The following PCDHA1 variants were observed in gnomAD, a reference collection of about 807,000 sequenced individuals.
PCDHA1 encodes protocadherin alpha 1.
Under a neutral mutation model 61.3 loss-of-function variants are expected in PCDHA1, and 42 were observed. The ratio of observed to expected loss-of-function variants is 0.69; its 90% confidence interval spans 0.54 to 0.89. The LOEUF is 0.89. Ranked by LOEUF, PCDHA1 falls within the 40% of genes least tolerant of loss-of-function variation. PCDHA1 has a pLI of 0.00. For missense variants in PCDHA1, 1,256 were observed against 1,235.3 expected (o/e 1.02, Z -0.25); for synonymous variants, 610 against 553.8 (o/e 1.10, Z -1.43).
intron 1 of PCDHA1, among the ~76,000 whole-genome samples, chr5:140,840,200 G>T (rs1412931294): frequency 6.6e-6 from 1 of 151,990 alleles, no homozygotes; most frequent in South Asian, 2.1e-4. Flanking sequence ...CAAAGGAAAA[G>T]AAGTCATAAA....
intron 1 of PCDHA1, chr5:140,796,173 T>A (rs1554119744): frequency 1.2e-6 from 2 of 1,614,054 alleles, no homozygotes; most frequent in Non-Finnish European, 1.7e-6. Context: ...CCTTCAAGAA[T>A]TACTACTCGT....
At chr5:140,817,344 G>T (rs187134127) in intron 1 of PCDHA1, 1 of 152,268 alleles carries the variant, frequency 6.6e-6, no homozygotes, top group Non-Finnish European at 1.5e-5. Context: ...CTTGCTTGGA[G>T]CCCAGGACCC....
rs191125107 is a variant in PCDHA1 at position 140,991,229 on chromosome 5, G to A, written c.2542+8666G>A. 1.4e-3 allele frequency among the ~76,000 whole-genome samples: 211 copies of A among 152,246 alleles called. 1 individual carries two copies. The highest frequency in any genetic ancestry group is 4.8e-3 in the African/African-American group (201 of 41,560). On this transcript the variant is annotated intron_variant, in intron 3 of 3. Coordinates refer to ENST00000504120, the MANE Select transcript of PCDHA1 (RefSeq NM_018900.4). ...AATTTTGTTAAATTCATTAATAAAT[G>A]CAGTGGTAAAGGCAGTATTTGAACT... is the stretch of plus-strand genomic sequence containing the variant.
intron 1 of PCDHA1, among the ~76,000 whole-genome samples, chr5:140,886,331 G>A (rs910332577): frequency 6.6e-6 from 1 of 151,936 alleles, no homozygotes; most frequent in Admixed American, 6.6e-5. Flanking sequence ...TGGGATACAT[G>A]TGCAGAACGT....
At chr5:140,808,786 T>C (rs1554124782) in intron 1 of PCDHA1, 9 of 1,612,390 alleles carry the variant, frequency 5.6e-6, no homozygotes, top group South Asian at 3.3e-5. Flanking sequence ...TGCTGCAGTT[T>C]CAGGTGACCG....
intron 1 of PCDHA1, chr5:140,802,774 A>G (rs1554122342): frequency 4.3e-6 from 7 of 1,613,090 alleles, no homozygotes; most frequent in Non-Finnish European, 2.5e-6. Flanking sequence ...CTGGACCACG[A>G]GGAGCTAGAG....
At chr5:140,893,593 T>C (rs1433494751) in intron 1 of PCDHA1, among the ~76,000 whole-genome samples, 5 of 152,244 alleles carry the variant, frequency 3.3e-5, no homozygotes, top group African/African-American at 1.2e-4. Context: ...TGGGAAATAC[T>C]TTATTTCTCC....
intron 1 of PCDHA1, among the ~76,000 whole-genome samples, chr5:140,831,530 T>C (rs1204695597): frequency 6.7e-6 from 1 of 150,262 alleles, no homozygotes; most frequent in Non-Finnish European, 1.5e-5. Flanking sequence ...CTTTTTTTTT[T>C]TTTTTTTTTT....
chr5:140,875,610 C>T (rs1266412721), intron 1 of PCDHA1: 6 of 1,613,716 alleles, frequency 3.7e-6, no homozygotes, highest in African/African-American at 1.3e-5. Flanking sequence ...CCTTCGTGGG[C>T]CGCATCGCTC....
chr5:140,802,780 T>C (rs2149963513), intron 1 of PCDHA1: 2 of 1,613,244 alleles, frequency 1.2e-6, no homozygotes, highest in Non-Finnish European at 1.7e-6. Flanking sequence ...CACGAGGAGC[T>C]AGAGCTGCTG....
chr5:140,848,364 G>C lies in PCDHA1; in HGVS notation c.2394+59680G>C, dbSNP rs916399183. On this transcript the variant is annotated intron_variant, in intron 1 of 3. Transcript: ENST00000504120. ...AATACAGCCCTTTTCCCATGGGAAA[G>C]AGGCTCAATTCTTTTTCACTCTCTC... 35 of 1,077,596 alleles carry C rather than the reference G, an allele frequency of 3.2e-5. 3 individuals are homozygous for C. Among genetic ancestry groups the C allele is most frequent in the African/African-American group, 4.7e-5 (3 of 63,656 alleles). 66.8% of individuals were successfully genotyped at this position (1,077,596 alleles called of 1,614,324 possible). A position where few individuals can be genotyped will look rare whatever the true frequency, so the allele number is the denominator to read the frequency against.
intron 1 of PCDHA1, chr5:140,863,573 C>T (rs2048075555): frequency 5.4e-6 from 2 of 367,848 alleles, no homozygotes; most frequent in South Asian, 4.3e-5. Flanking sequence ...AATATAAGTA[C>T]TGTAATCCTG....
At position 140,822,486 on chromosome 5, in the gene PCDHA1, C is replaced by T. The variant is rs2150116729; in HGVS notation, c.2394+33802C>T. 1.7e-5 allele frequency: 27 copies of T among 1,613,690 alleles called. No individual in the cohort carries two copies. In the African/African-American group the frequency reaches 3.1e-4, roughly 18 times the overall value. ...TCAATGTATTGGATGCTAATGATAA[C>T]GCCCCAGAATTTGATAAATCCATTT... On this transcript the variant is annotated intron_variant, in intron 1 of 3. Coordinates refer to ENST00000504120, the MANE Select transcript of PCDHA1 (RefSeq NM_018900.4).
At chr5:140,929,390 T>C in intron 1 of PCDHA1, 1 of 1,511,570 alleles carries the variant, frequency 6.6e-7, no homozygotes, top group Non-Finnish European at 8.8e-7. Flanking sequence ...TGTTTTGAAA[T>C]ATTTCTTAGA....
chr5:140,966,449 C>CT (rs1737219736), intron 1 of PCDHA1: 1 of 425,908 alleles, frequency 2.3e-6, no homozygotes, highest in South Asian at 9.0e-5. Context: ...CCCTTTCCCC[C>CT]TCCCCCTCTG....
intron 1 of PCDHA1, chr5:140,828,460 G>A: frequency 6.2e-7 from 1 of 1,614,278 alleles, no homozygotes; most frequent in Non-Finnish European, 8.5e-7. Flanking sequence ...ACGTGGAGGT[G>A]AGGGACATTA....
At chr5:140,801,913 C>A (rs781803444) in intron 1 of PCDHA1, 1 of 1,614,134 alleles carries the variant, frequency 6.2e-7, no homozygotes, top group Non-Finnish European at 8.5e-7. Flanking sequence ...AACGACAACG[C>A]CCCAGCGTTT....
intron 1 of PCDHA1, 133 bp downstream of exon 1, chr5:140,788,817 T>C (rs1161808302): frequency 8.6e-5 from 121 of 1,414,972 alleles, no homozygotes; most frequent in Non-Finnish European, 1.1e-4. Context: ...CCATTGAATG[T>C]AGATATCCTA....
At chr5:140,966,414 G>A (rs1310333281) in intron 1 of PCDHA1, 5 of 420,334 alleles carry the variant, frequency 1.2e-5, no homozygotes, top group African/African-American at 2.1e-5. Context: ...AATCAGAGCA[G>A]GACTTGCTGA....
Sources: gnomAD v4.1 joint callset for allele counts (sites outside exome capture counted in the v4.1 genomes callset) on GRCh38, gnomAD v4.1.1 for gene constraint, MANE v1.5 for transcripts, NCBI Gene and HGNC (gene_info 2026-07-23, HGNC 2026-07-21) for gene names.